ANKHD1: variants seen among roughly 807,000 people sequenced by gnomAD.
The protein encoded by ANKHD1 is ankyrin repeat and KH domain-containing protein 1.
ANKHD1 carries 31 observed loss-of-function variants against 230.5 expected under a neutral mutation model. The observed-to-expected ratio is 0.13, with a 90% CI of 0.10 to 0.18. The LOEUF (loss-of-function observed/expected upper bound fraction) is 0.18. Ranked by LOEUF, ANKHD1 falls within the 10% of genes least tolerant of loss-of-function variation. The probability of loss-of-function intolerance (pLI) is 1.00; values close to 1 mark genes in which losing one functional copy is unlikely to be tolerated. For missense variants in ANKHD1, 2,256 were observed against 3,071.3 expected, an observed-to-expected ratio of 0.73 and a Z score of 6.27; for synonymous variants, 1,074 against 1,117.6, an observed-to-expected ratio of 0.96 and a Z score of 0.78.
At chr5:140,536,597 G>T (rs1754091457) in intron 30 of ANKHD1, among the ~76,000 whole-genome samples, 1 of 152,068 alleles carries the variant, frequency 6.6e-6, no homozygotes, top group Admixed American at 6.5e-5. Context: ...GCTAACATTT[G>T]ACCTTATTTC....
At chr5:140,515,325 C>G (rs1752951348) in intron 24 of ANKHD1, among the ~76,000 whole-genome samples, 1 of 151,962 alleles carries the variant, frequency 6.6e-6, no homozygotes, top group South Asian at 2.1e-4. Flanking sequence ...TCATTACTGC[C>G]TAAGTGGTTT....
At chr5:140,427,950 C>G (rs1175475184) in intron 1 of ANKHD1, among the ~76,000 whole-genome samples, 1 of 151,882 alleles carries the variant, frequency 6.6e-6, no homozygotes, top group Non-Finnish European at 1.5e-5. Context: ...GGTCTCCTCA[C>G]TTCTCAGACG....
At chr5:140,437,029 T>G (rs1773499739) in intron 2 of ANKHD1, among the ~76,000 whole-genome samples, 1 of 152,212 alleles carries the variant, frequency 6.6e-6, no homozygotes, top group Admixed American at 6.5e-5. Flanking sequence ...TCTGTCAAGG[T>G]TTACATATAC....
intron 14 of ANKHD1, among the ~76,000 whole-genome samples, chr5:140,496,235 TAATTTCCA>T (rs1752030392): frequency 6.6e-6 from 1 of 152,054 alleles, no homozygotes. Context: ...GCCCCTGACT[TAATTTCCA>T]AAATCCTCCT....
rs191055371 is a variant in ANKHD1, at chr5:140,515,989, A to G, written c.4317+2510A>G. 7.2e-5 allele frequency among the ~76,000 whole-genome samples: 11 copies of G among 152,340 alleles called. No homozygotes were observed. The East Asian group carries it at 1.5e-3, about 21-fold the overall frequency. On this transcript the variant is annotated intron_variant, in intron 24 of 33. Transcript: ENST00000360839. ...GAGAGAAGAAGGCCTCAGACGATCA[A>G]ATTACTCTGAGCTACGGGAGGAAAT... is the stretch of plus-strand genomic sequence containing the variant.
chr5:140,497,253 C>T lies in ANKHD1; in HGVS notation c.2979C>T (p.Thr993=), dbSNP rs1358985815. The change falls in exon 15 of 34, where the codon ACC becomes ACT. Residue 993 remains threonine, a synonymous_variant. Coordinates refer to ENST00000360839, the MANE Select transcript of ANKHD1 (RefSeq NM_017747.3). ...LMVATPAQTL[T]DTLDDLIAAV... Reference sequence around the variant, plus strand: ...TTGCAACTCCAGCTCAGACGCTTACCGACACTCTTGATGACCTGATAGCAG... The same window carrying T: ...TTGCAACTCCAGCTCAGACGCTTACTGACACTCTTGATGACCTGATAGCAG... 7 of 1,604,990 alleles carry T rather than the reference C, an allele frequency of 4.4e-6. No individual in the cohort carries two copies. Among genetic ancestry groups the T allele is most frequent in the Middle Eastern group, 1.6e-4 (1 of 6,084 alleles).
At chr5:140,516,057 A>T (rs1402248808) in intron 24 of ANKHD1, among the ~76,000 whole-genome samples, 10 of 152,180 alleles carry the variant, frequency 6.6e-5, no homozygotes, top group African/African-American at 2.4e-4. Flanking sequence ...AAAAAAATTT[A>T]GAAGATTGTA....
chr5:140,461,453 G>A (rs1479656811), intron 9 of ANKHD1, among the ~76,000 whole-genome samples: 1 of 152,082 alleles, frequency 6.6e-6, no homozygotes, highest in Non-Finnish European at 1.5e-5. Context: ...GCTTCTTACA[G>A]TGTGGCACTA....
intron 5 of ANKHD1, 45 bp downstream of exon 5, chr5:140,441,187 A>G (rs867698876): frequency 4.1e-6 from 6 of 1,471,704 alleles, no homozygotes; most frequent in Non-Finnish European, 5.4e-6. Flanking sequence ...AATTGACATA[A>G]TTATTACCTG....
rs753024116 is a variant in ANKHD1, at chr5:140,538,135, TCAA to T, written c.7282_7284del (p.Gln2428del). ...CTGTGATGGGGAACCATCCAATGCA[TCAA>T]CAATTATCAGACCCAAGCACATTCT... On this transcript the variant is annotated inframe_deletion, in exon 32 of 34. Transcript: ENST00000360839. 12 of 1,614,054 alleles carry T rather than the reference TCAA, an allele frequency of 7.4e-6. No individual in the cohort carries two copies. Among genetic ancestry groups the T allele is most frequent in the Middle Eastern group, 1.6e-4 (1 of 6,062 alleles).
Position 140,529,397 on chromosome 5 carries a change from A to G in ANKHD1, c.6451A>G (p.Thr2151Ala), listed in dbSNP as rs745822360. 1.7e-5 allele frequency: 28 copies of G among 1,614,162 alleles called. No individual in the cohort carries two copies. Among genetic ancestry groups the G allele is most frequent in the Non-Finnish European group, 2.3e-5 (27 of 1,180,016 alleles). The change falls in exon 29 of 34, where the codon ACT (threonine) becomes GCT (alanine). Residue 2151 changes from threonine (T) to alanine (A), a missense_variant. Thr to Ala is a moderately conservative substitution (Grantham distance 58, BLOSUM62 0). Around this residue, in one of 13 missense-constraint regions of ANKHD1, gnomAD observed 778 missense variants for 966.5 expected, o/e 0.80. Coordinates refer to ENST00000360839, the MANE Select transcript of ANKHD1 (RefSeq NM_017747.3). ...GSFYSMVPNA[T>A]IHQDPQSIFV... ...TTTTTACTCCATGGTACCAAATGCA[A>G]CTATTCACCAGGATCCCCAGTCTAT...
At chr5:140,531,705 C>T (rs139722934) in intron 29 of ANKHD1, among the ~76,000 whole-genome samples, 225 of 152,202 alleles carry the variant, frequency 1.5e-3, no homozygotes, top group African/African-American at 5.3e-3. Flanking sequence ...CACAGTTCCT[C>T]AGAAAGTTAG....
chr5:140,409,842 G>A (rs999720601), intron 1 of ANKHD1, among the ~76,000 whole-genome samples: 2 of 152,190 alleles, frequency 1.3e-5, no homozygotes, highest in African/African-American at 4.8e-5. Context: ...GTGAGCCACC[G>A]CGCCCAGCCA....
At chr5:140,532,822 G>A (rs779004139) in intron 29 of ANKHD1, 77 of 429,914 alleles carry the variant, frequency 1.8e-4, no homozygotes, top group Non-Finnish European at 1.3e-4. Flanking sequence ...AAGCTATCAT[G>A]ATTAGCTGGG....
intron 1 of ANKHD1, among the ~76,000 whole-genome samples, chr5:140,433,000 G>A (rs897016062): frequency 2.0e-5 from 3 of 151,238 alleles, no homozygotes; most frequent in East Asian, 1.9e-4. Context: ...CACTGTGCTC[G>A]GCTCGTACCT....
At chr5:140,436,062 G>A in intron 1 of ANKHD1, 42 bp from the exon 2 acceptor site, 1 of 1,447,198 alleles carries the variant, frequency 6.9e-7, no homozygotes, top group Non-Finnish European at 9.1e-7. Flanking sequence ...TAATCATATT[G>A]ATATCAGTTT....
At chr5:140,472,708 TAAAC>T (rs1024798429) in intron 10 of ANKHD1, among the ~76,000 whole-genome samples, 7 of 152,142 alleles carry the variant, frequency 4.6e-5, no homozygotes, top group Non-Finnish European at 7.4e-5. Context: ...AATACTCAAA[TAAAC>T]AAAAAAATTA....
intron 14 of ANKHD1, among the ~76,000 whole-genome samples, chr5:140,493,540 A>G (rs1168105419): frequency 2.6e-5 from 4 of 152,136 alleles, no homozygotes; most frequent in African/African-American, 9.7e-5. Flanking sequence ...ACTTGTCTTA[A>G]TCTCTACCCA....
intron 10 of ANKHD1, among the ~76,000 whole-genome samples, chr5:140,481,107 T>C (rs1751255004): frequency 6.6e-6 from 1 of 152,002 alleles, no homozygotes; most frequent in Non-Finnish European, 1.5e-5. Context: ...TGCAAAAAAG[T>C]TGTGAGGCAG....
Sources: gnomAD v4.1 joint callset for allele counts (sites outside exome capture counted in the v4.1 genomes callset) on GRCh38, gnomAD v4.1.1 for gene constraint, gnomAD v4.1.1 regional missense constraint, MANE v1.5 for transcripts, NCBI Gene and HGNC (gene_info 2026-07-23, HGNC 2026-07-21) for gene names.